Variants in CLVS1 observed in about 807,000 individuals in gnomAD.
CLVS1 encodes the protein clavesin-1.
A neutral mutation model predicts 33.1 loss-of-function variants in CLVS1; 10 were observed. The ratio of observed to expected loss-of-function variants is 0.30; its 90% CI spans 0.19 to 0.51. CLVS1 has a LOEUF of 0.51. Ranked by LOEUF, CLVS1 falls within the 20% of genes least tolerant of loss-of-function variation. The probability of loss-of-function intolerance (pLI) is 0.97; values close to 1 mark genes in which losing one functional copy is unlikely to be tolerated. For synonymous variants in CLVS1, 163 were observed against 166.1 expected, an observed-to-expected ratio of 0.98 and a Z score of 0.14; for missense variants, 343 against 433.4, an observed-to-expected ratio of 0.79 and a Z score of 1.85.
intron 2 of CLVS1, 24 bp downstream of exon 2, chr8:61,300,306 T>G: frequency 6.3e-7 from 1 of 1,578,378 alleles, no homozygotes; most frequent in Non-Finnish European, 8.6e-7. Flanking sequence ...GTGTCTTTAC[T>G]TGGTTTTTCT....
At chr8:61,074,227 A>G (rs2129281003) in intron 1 of CLVS1, among the ~76,000 whole-genome samples, 1 of 150,650 alleles carries the variant, frequency 6.6e-6, no homozygotes, top group South Asian at 2.1e-4. Flanking sequence ...AGTCCCAGCT[A>G]CTTGGGAGGC....
At chr8:60,994,948 C>T in the CLVS1 span, among the ~76,000 whole-genome samples, 59 of 151,982 alleles carry the variant, frequency 3.9e-4, no homozygotes, top group South Asian at 4.2e-3. Flanking sequence ...GCTGGGAAAA[C>T]TGGCTAGCCA....
chr8:61,096,328 C>T (rs1805350105), intron 1 of CLVS1, among the ~76,000 whole-genome samples: 1 of 152,214 alleles, frequency 6.6e-6, no homozygotes, highest in South Asian at 2.1e-4. Flanking sequence ...CTCTGGTCCT[C>T]TGCTTTCTGT....
intron 2 of CLVS1, among the ~76,000 whole-genome samples, chr8:61,364,885 T>C (rs1813131154): frequency 6.6e-6 from 1 of 152,226 alleles, no homozygotes; most frequent in Non-Finnish European, 1.5e-5. Context: ...CTAACTCAAG[T>C]TACAGGTGTG....
At chr8:61,033,066 AGAAAGAAG>A in the CLVS1 span, among the ~76,000 whole-genome samples, 3 of 120,066 alleles carry the variant, frequency 2.5e-5, no homozygotes, top group Non-Finnish European at 3.7e-5. Flanking sequence ...AAAGATAGAA[AGAAAGAAG>A]GAAGGAAGGA....
At chr8:61,235,336 G>A (rs1231680551) in intron 2 of CLVS1, among the ~76,000 whole-genome samples, 2 of 152,166 alleles carry the variant, frequency 1.3e-5, no homozygotes, top group Admixed American at 1.3e-4. Flanking sequence ...ACTCCAGTGA[G>A]CTACATGGAA....
At chr8:61,394,133 G>T (rs551018632) in intron 3 of CLVS1, among the ~76,000 whole-genome samples, 1 of 152,212 alleles carries the variant, frequency 6.6e-6, no homozygotes, top group Admixed American at 6.5e-5. Context: ...GATCACTTGA[G>T]GGCAGGAGTT....
the CLVS1 span, among the ~76,000 whole-genome samples, chr8:60,990,863 C>T: frequency 6.6e-6 from 1 of 152,166 alleles, no homozygotes; most frequent in Non-Finnish European, 1.5e-5. Flanking sequence ...CACCCACCAC[C>T]ACGCTTGGCT....
intron 3 of CLVS1, among the ~76,000 whole-genome samples, chr8:61,417,371 T>C (rs2581544): frequency 6.6e-6 from 1 of 152,214 alleles, no homozygotes; most frequent in African/African-American, 2.4e-5. Flanking sequence ...AGACGTTTTT[T>C]TCTTTGAATG....
chr8:61,217,598 G>T (rs1017465316), intron 2 of CLVS1, among the ~76,000 whole-genome samples: 1 of 152,112 alleles, frequency 6.6e-6, no homozygotes, highest in Non-Finnish European at 1.5e-5. Context: ...CCTAGGAAAA[G>T]ATTTCATGAT....
At chr8:60,987,391 G>T in the CLVS1 span, among the ~76,000 whole-genome samples, 1 of 152,300 alleles carries the variant, frequency 6.6e-6, no homozygotes, top group South Asian at 2.1e-4. Flanking sequence ...GAGAGCTACG[G>T]TTACTTGAGT....
intron 1 of CLVS1, among the ~76,000 whole-genome samples, chr8:61,122,606 ACACAC>A (rs918716769): frequency 6.7e-5 from 10 of 150,044 alleles, no homozygotes; most frequent in African/African-American, 2.5e-4. Flanking sequence ...ACACACACAC[ACACAC>A]AAGAAAACAG....
rs78933919 is a variant in CLVS1 at position 61,186,305 on chromosome 8, C to A, written c.-152+54445C>A. Among the ~76,000 whole-genome samples, 17 of 152,310 alleles carry A rather than the reference C, an allele frequency of 1.1e-4. No individual in the cohort carries two copies. The East Asian group carries it at 3.1e-3, about 28-fold the overall frequency. ...AACTTTCAGCTGAATAAACTGATGT[C>A]ATATCTCTGTAGCTGGTCAGGGGCA... On this transcript the variant is annotated intron_variant, in intron 2 of 2. Transcript: ENST00000522621.
chr8:60,985,026 C>T, the CLVS1 span, among the ~76,000 whole-genome samples: 17 of 152,148 alleles, frequency 1.1e-4, no homozygotes, highest in African/African-American at 4.1e-4. Flanking sequence ...ACCCTTTGCC[C>T]AAGCGAAGTC....
intron 2 of CLVS1, among the ~76,000 whole-genome samples, chr8:61,231,497 G>A (rs1034592643): frequency 2.4e-4 from 36 of 152,166 alleles, no homozygotes; most frequent in African/African-American, 8.7e-4. Context: ...TGCAGTCAAG[G>A]TTGAGACCCA....
intron 3 of CLVS1, among the ~76,000 whole-genome samples, chr8:61,442,581 C>T (rs1447444560): frequency 6.6e-6 from 1 of 152,090 alleles, no homozygotes; most frequent in Non-Finnish European, 1.5e-5. Flanking sequence ...CCAGCTTGTC[C>T]ACATCCTCAC....
intron 3 of CLVS1, among the ~76,000 whole-genome samples, chr8:61,412,910 G>A (rs187961463): frequency 4.6e-5 from 7 of 152,256 alleles, no homozygotes; most frequent in African/African-American, 1.7e-4. Context: ...TCACTAAATT[G>A]CAAATCTTCA....
intron 2 of CLVS1, among the ~76,000 whole-genome samples, chr8:61,185,984 C>T (rs1036307312): frequency 1.3e-5 from 2 of 152,096 alleles, no homozygotes; most frequent in African/African-American, 2.4e-5. Context: ...AGCCATAACC[C>T]GGTTCTGTAT....
the CLVS1 span, among the ~76,000 whole-genome samples, chr8:61,019,885 C>A: frequency 6.6e-6 from 1 of 152,154 alleles, no homozygotes; most frequent in Admixed American, 6.5e-5. Flanking sequence ...CCTTTCCAAG[C>A]CTTGCTTCTG....
Sources: gnomAD v4.1 joint callset for allele counts (sites outside exome capture counted in the v4.1 genomes callset) on GRCh38, gnomAD v4.1.1 for gene constraint, MANE v1.5 for transcripts, NCBI Gene and HGNC (gene_info 2026-07-23, HGNC 2026-07-21) for gene names.